TMEM201: variants seen among roughly 807,000 people sequenced by gnomAD.
TMEM201 encodes the protein transmembrane protein 201, also known as RP13-15M17.2.
In TMEM201, 26 loss-of-function variants were observed where a neutral mutation model predicts 63.4. The observed-to-expected ratio is 0.41, with a 90% CI of 0.30 to 0.57. The LOEUF (loss-of-function observed/expected upper bound fraction) is 0.57, where lower values mean the gene tolerates loss of function less well. Among genes scored for constraint, TMEM201 ranks in the 20% least tolerant of loss-of-function variants. The pLI is 0.29. For synonymous variants in TMEM201, 417 were observed against 421.6 expected (o/e 0.99, Z 0.14); for missense variants, 794 against 917.7 (o/e 0.87, Z 1.74).
At chr1:9,609,711 C>T in intron 7 of TMEM201, 129 bp from the exon 8 acceptor site, 2 of 859,794 alleles carry the variant, frequency 2.3e-6, no homozygotes. Context: ...AATCCGTGAG[C>T]ACCTGTGTTT....
chr1:9,603,266 G>C lies in TMEM201; in HGVS notation c.1160+994G>C. On this transcript the variant is annotated intron_variant, in intron 6 of 10. Coordinates refer to ENST00000340381, the MANE Select transcript of TMEM201 (RefSeq NM_001130924.3). This position sits in a 1 kb window ranked among gnomAD's most constrained non-coding sequence, Gnocchi z 4.5. ...CAGGCCCCTGCTGTTCTCAGCCTCA[G>C]TTTGCCATCTATGAAATGAGGTGGA... 1.0e-6 allele frequency: 1 copy of C among 985,046 alleles called. No homozygotes were observed. The highest frequency in any genetic ancestry group is 1.1e-4 in the East Asian group (1 of 8,802). The allele number at this position is 985,046 out of a possible 1,614,324, so 61.0% of individuals were successfully genotyped here. A position where few individuals can be genotyped will look rare whatever the true frequency, so the allele number is the denominator to read the frequency against.
intron 1 of TMEM201, among the ~76,000 whole-genome samples, chr1:9,594,931 C>CG (rs1283220645): frequency 1.3e-5 from 2 of 152,210 alleles, no homozygotes; most frequent in African/African-American, 4.8e-5. Flanking sequence ...GTCCTGTGGA[C>CG]GGGGGGCCGT....
At chr1:9,594,953 G>C (rs969088463) in intron 1 of TMEM201, among the ~76,000 whole-genome samples, 1 of 152,240 alleles carries the variant, frequency 6.6e-6, no homozygotes, top group Non-Finnish European at 1.5e-5. Flanking sequence ...TGTGCAGGGA[G>C]TGGCTGCCCA....
intron 4 of TMEM201, among the ~76,000 whole-genome samples, chr1:9,600,598 G>A (rs1183488727): frequency 6.6e-6 from 1 of 152,168 alleles, no homozygotes; most frequent in Non-Finnish European, 1.5e-5. Context: ...GGCCCCATGG[G>A]CATGTTGCTT....
chr1:9,611,752 G>C lies in TMEM201; in HGVS notation c.1766-1G>C. ...TGAGAAACACACCCTTCTCTCTGCA[G>C]ACCTGAGATCCAAGCTGGAAAGAGG... On this transcript the variant is annotated splice_acceptor_variant, in intron 9 of 10. Transcript: ENST00000340381. LOFTEE classifies it high-confidence loss of function. The C allele has an allele frequency of 1.0e-5, 16 of 1,551,404 alleles. No homozygotes were observed. The highest frequency in any genetic ancestry group is 1.4e-5 in the Non-Finnish European group (16 of 1,147,056).
chr1:9,613,215 A>T lies in TMEM201; in HGVS notation c.*132A>T. The T allele has an allele frequency of 1.2e-6, 1 of 824,266 alleles. No homozygotes were observed. The highest frequency in any genetic ancestry group is 1.9e-6 in the Non-Finnish European group (1 of 517,566). The allele number at this position is 824,266 out of a possible 1,614,324, so 51.1% of individuals were successfully genotyped here. A position where few individuals can be genotyped will look rare whatever the true frequency, so the allele number is the denominator to read the frequency against. ...AGGGCCTTGACCTCACTGGACTGTG[A>T]CTGTCCTCAGGACACCTGCCCCTCC... is the stretch of plus-strand genomic sequence containing the variant. On this transcript the variant is annotated 3_prime_UTR_variant, in exon 11 of 11. Coordinates refer to ENST00000340381, the MANE Select transcript of TMEM201 (RefSeq NM_001130924.3).
At chr1:9,594,568 G>A (rs1025368250) in intron 1 of TMEM201, among the ~76,000 whole-genome samples, 2 of 152,266 alleles carry the variant, frequency 1.3e-5, no homozygotes, top group African/African-American at 4.8e-5. Context: ...CAGCTGACAG[G>A]TGATCACACA....
intron 6 of TMEM201, chr1:9,602,637 C>T: frequency 8.5e-7 from 1 of 1,178,542 alleles, no homozygotes; most frequent in East Asian, 5.1e-5. Context: ...TCTCACCACG[C>T]CGTTTGCTGG....
intron 1 of TMEM201, among the ~76,000 whole-genome samples, chr1:9,593,885 G>C (rs1256326250): frequency 6.6e-6 from 1 of 152,244 alleles, no homozygotes; most frequent in Non-Finnish European, 1.5e-5. Context: ...CCCATGCACA[G>C]TTACAAAGAA....
chr1:9,595,847 G>T (rs753794618), intron 1 of TMEM201, 43 bp from the exon 2 acceptor site: 2 of 1,609,520 alleles, frequency 1.2e-6, no homozygotes, highest in African/African-American at 1.3e-5. Context: ...TCCAGCAGGT[G>T]CTGGGGTCTT....
At chr1:9,611,536 A>G (rs1299619039) in intron 9 of TMEM201, among the ~76,000 whole-genome samples, 1 of 152,180 alleles carries the variant, frequency 6.6e-6, no homozygotes, top group South Asian at 2.1e-4. Flanking sequence ...TCAATGTCAG[A>G]GATCTGGTCA....
At chr1:9,599,654 G>A (rs748507175) in intron 4 of TMEM201, among the ~76,000 whole-genome samples, 14 of 146,000 alleles carry the variant, frequency 9.6e-5, no homozygotes, top group Non-Finnish European at 1.8e-4. Context: ...ACGGAGTCTC[G>A]CTCTGTCGCC....
At position 9,598,303 on chromosome 1, in the gene TMEM201, G is replaced by A. The variant is rs1263842230; in HGVS notation, c.430-146G>A. ...TGGGCATTTGTCCTGTTGGGCAGAGGGGAAGCAGGTTCAAAGTGGGGTTGA... is the reference window on the plus strand; with the variant it reads ...TGGGCATTTGTCCTGTTGGGCAGAGAGGAAGCAGGTTCAAAGTGGGGTTGA... On this transcript the variant is annotated intron_variant, in intron 3 of 10. Transcript: ENST00000340381. 9 of 896,420 alleles carry A rather than the reference G, an allele frequency of 1.0e-5. No individual in the cohort carries two copies. In the East Asian group the frequency reaches 2.4e-4, roughly 23 times the overall value. The allele number at this position is 896,420 out of a possible 1,614,324, so 55.5% of individuals were successfully genotyped here. A position where few individuals can be genotyped will look rare whatever the true frequency, so the allele number is the denominator to read the frequency against.
At position 9,604,891 on chromosome 1, in the gene TMEM201, C is replaced by T. The variant is rs952053938; in HGVS notation, c.1160+2619C>T. On this transcript the variant is annotated intron_variant, in intron 6 of 10. Coordinates refer to ENST00000340381, the MANE Select transcript of TMEM201 (RefSeq NM_001130924.3). The surrounding 1 kb of genome is among the most constrained non-coding windows in gnomAD (Gnocchi z 4.1). ...CATCACTGTAACCATCGCGCCTGGC[C>T]TAGATGTCGTGTTTTGGATGCTGTG... is the stretch of plus-strand genomic sequence containing the variant. The T allele has an allele frequency of 1.0e-6, 1 of 985,806 alleles. No individual in the cohort carries two copies. The highest frequency in any genetic ancestry group is 1.2e-6 in the Non-Finnish European group (1 of 829,980). The allele number at this position is 985,806 out of a possible 1,614,324, so 61.1% of individuals were successfully genotyped here. A position where few individuals can be genotyped will look rare whatever the true frequency, so the allele number is the denominator to read the frequency against.
chr1:9,590,612 G>C (rs908245081), intron 1 of TMEM201, among the ~76,000 whole-genome samples: 3 of 152,162 alleles, frequency 2.0e-5, no homozygotes, highest in African/African-American at 7.2e-5. Context: ...AGAGATATTG[G>C]GCTAGCTGGT....
In TMEM201 at chr1:9,604,588, A is replaced by C; in HGVS notation, c.1160+2316A>C. 1.0e-6 allele frequency: 1 copy of C among 985,402 alleles called. No homozygotes were observed. The allele number at this position is 985,402 out of a possible 1,614,324, so 61.0% of individuals were successfully genotyped here. On this transcript the variant is annotated intron_variant, in intron 6 of 10. Transcript: ENST00000340381. This position sits in a 1 kb window ranked among gnomAD's most constrained non-coding sequence, Gnocchi z 4.1. ...ACTTGGGATGGCCATCAGACCTTCTAGGGTCTGGCTGGGGTCATCCTAGGT... is the reference window on the plus strand; with the variant it reads ...ACTTGGGATGGCCATCAGACCTTCTCGGGTCTGGCTGGGGTCATCCTAGGT...
rs1376953203 is a variant in TMEM201, at chr1:9,610,809, C to G, written c.1765+4C>G. 2 of 1,534,130 alleles carry G rather than the reference C, an allele frequency of 1.3e-6. No individual in the cohort carries two copies. The highest frequency in any genetic ancestry group is 1.8e-6 in the Non-Finnish European group (2 of 1,136,520). Reference sequence around the variant, plus strand: ...CAGGACGTGAAGCACGCCCTGGGTACGGCCTTCTGACCACCCCAAGGGGCC... The same window carrying G: ...CAGGACGTGAAGCACGCCCTGGGTAGGGCCTTCTGACCACCCCAAGGGGCC... On this transcript the variant is annotated splice_donor_region_variant and intron_variant, in intron 9 of 10. Coordinates refer to ENST00000340381, the MANE Select transcript of TMEM201 (RefSeq NM_001130924.3). The surrounding 1 kb of genome is among the most constrained non-coding windows in gnomAD (Gnocchi z 4.9).
Position 9,609,271 on chromosome 1 carries a change from C to T in TMEM201, c.1394-569C>T, listed in dbSNP as rs1403493411. ...ACCCTTCAGAGCCCACAGGTGGCAA[C>T]AGGACATGAGGCAGTCCCTGGGTCC... On this transcript the variant is annotated intron_variant, in intron 7 of 10. Transcript: ENST00000340381. Among the ~76,000 whole-genome samples the T allele has an allele frequency of 2.6e-5, 4 of 152,246 alleles. 1 individual carries two copies. Among genetic ancestry groups the T allele is most frequent in the Admixed American group, 2.6e-4 (4 of 15,284 alleles).
chr1:9,611,012 C>A lies in TMEM201; in HGVS notation c.1765+207C>A, dbSNP rs905764328. 9 of 1,531,492 alleles carry A rather than the reference C, an allele frequency of 5.9e-6. No individual in the cohort carries two copies. In the Admixed American group the frequency reaches 1.8e-4, roughly 30 times the overall value. 94.9% of individuals were successfully genotyped at this position (1,531,492 alleles called of 1,614,324 possible). ...TGGCTGATTTCAGTTTCTCCTTTTG[C>A]AGTTGACCTTCAGGGTCCTCTGTTT... On this transcript the variant is annotated intron_variant, in intron 9 of 10. Transcript: ENST00000340381.
Sources: allele counts gnomAD v4.1 joint callset (sites outside exome capture counted in the v4.1 genomes callset), GRCh38; gene constraint gnomAD v4.1.1; non-coding constraint Gnocchi (gnomAD v3.1); transcripts MANE v1.5; gene names NCBI Gene and HGNC (gene_info 2026-07-23, HGNC 2026-07-21).